Variants in CNTN5 observed in about 807,000 individuals in gnomAD.
CNTN5 encodes the protein contactin-5.
Under a neutral mutation model 129.1 loss-of-function variants are expected in CNTN5, and 77 were observed. The observed-to-expected ratio is 0.60, with a 90% CI of 0.50 to 0.72. The LOEUF (loss-of-function observed/expected upper bound fraction) is 0.72, where lower values mean the gene tolerates loss of function less well. Ranked by LOEUF, CNTN5 falls within the 30% of genes least tolerant of loss-of-function variation. CNTN5 has a pLI of 0.00. For synonymous variants in CNTN5, 509 were observed against 465.6 expected (o/e 1.09, Z -1.20); for missense variants, 1,478 against 1,328.8 (o/e 1.11, Z -1.75).
chr11:99,287,446 C>A (rs1004842200), intron 1 of CNTN5, among the ~76,000 whole-genome samples: 1 of 152,004 alleles, frequency 6.6e-6, no homozygotes, highest in Admixed American at 6.6e-5. Flanking sequence ...ATTCAAACAT[C>A]CTTCTCTCTC....
At chr11:99,875,104 T>C (rs1948598915) in intron 6 of CNTN5, among the ~76,000 whole-genome samples, 2 of 152,140 alleles carry the variant, frequency 1.3e-5, no homozygotes, top group Admixed American at 6.5e-5. Context: ...TAACCCAAAT[T>C]GAGGATTATA....
chr11:99,608,744 C>G (rs1056428958), intron 3 of CNTN5, among the ~76,000 whole-genome samples: 1 of 152,142 alleles, frequency 6.6e-6, no homozygotes, highest in Admixed American at 6.6e-5. Flanking sequence ...TAGCCCTAGT[C>G]AGCTATTACA....
chr11:99,752,645 G>A lies in CNTN5; in HGVS notation c.56-66899G>A, dbSNP rs560383805. 2.9e-4 allele frequency among the ~76,000 whole-genome samples: 44 copies of A among 152,210 alleles called. No homozygotes were observed. The South Asian group carries it at 8.5e-3, about 29-fold the overall frequency. On this transcript the variant is annotated intron_variant, in intron 3 of 24. Coordinates refer to ENST00000524871, the MANE Select transcript of CNTN5 (RefSeq NM_014361.4). ...TACTAAAAACGATGTTTTAAGGTTT[G>A]AGTTTATTATTTATAGTTTTCTACA...
At chr11:99,680,303 G>C (rs1392178194) in intron 3 of CNTN5, among the ~76,000 whole-genome samples, 1 of 152,148 alleles carries the variant, frequency 6.6e-6, no homozygotes, top group Non-Finnish European at 1.5e-5. Flanking sequence ...TGGCTTCAAA[G>C]CTTCAAGGCC....
intron 13 of CNTN5, among the ~76,000 whole-genome samples, chr11:100,137,738 G>A (rs1422320568): frequency 6.6e-6 from 1 of 152,046 alleles, no homozygotes. Context: ...TATCAGGCCG[G>A]TATGGAAAAT....
rs1033757955 is a variant in CNTN5, at chr11:99,764,006, T to C, written c.56-55538T>C. Among the ~76,000 whole-genome samples, 4 of 151,936 alleles carry C rather than the reference T, an allele frequency of 2.6e-5. No individual in the cohort carries two copies. The East Asian group carries it at 7.7e-4, about 29-fold the overall frequency. ...TCAAATAACCATGATATTTATATTATTTTTTTTCCAAAAGAATGATACAGT... is the reference window on the plus strand; with the variant it reads ...TCAAATAACCATGATATTTATATTACTTTTTTTCCAAAAGAATGATACAGT... On this transcript the variant is annotated intron_variant, in intron 3 of 24. Coordinates refer to ENST00000524871, the MANE Select transcript of CNTN5 (RefSeq NM_014361.4).
chr11:100,148,198 C>T (rs756763428), intron 13 of CNTN5, among the ~76,000 whole-genome samples: 1 of 152,100 alleles, frequency 6.6e-6, no homozygotes, highest in African/African-American at 2.4e-5. Context: ...ATCTCTGCAG[C>T]TTTGAGATAC....
At chr11:99,267,520 C>A (rs908861221) in intron 1 of CNTN5, among the ~76,000 whole-genome samples, 1 of 151,820 alleles carries the variant, frequency 6.6e-6, no homozygotes, top group Non-Finnish European at 1.5e-5. Context: ...TTTAATTAAA[C>A]CCCTTCGTTC....
At chr11:99,373,320 G>A (rs563701313) in intron 2 of CNTN5, among the ~76,000 whole-genome samples, 17 of 152,192 alleles carry the variant, frequency 1.1e-4, no homozygotes, top group African/African-American at 3.9e-4. Flanking sequence ...ATAATGAAGG[G>A]TCAATAGAGA....
chr11:99,237,949 G>A (rs1034397288), intron 1 of CNTN5, among the ~76,000 whole-genome samples: 2 of 152,006 alleles, frequency 1.3e-5, no homozygotes, highest in African/African-American at 4.8e-5. Context: ...TTTTTGTATT[G>A]TTCCTGGTGC....
chr11:99,732,179 G>A (rs574937539), intron 3 of CNTN5, among the ~76,000 whole-genome samples: 32 of 152,218 alleles, frequency 2.1e-4, no homozygotes, highest in African/African-American at 7.2e-4. Context: ...GTTGTTAGAC[G>A]CAGAGCCAAG....
chr11:99,920,198 A>T (rs1949902394), intron 7 of CNTN5, among the ~76,000 whole-genome samples: 1 of 152,010 alleles, frequency 6.6e-6, no homozygotes, highest in South Asian at 2.1e-4. Context: ...CACTATTTTC[A>T]CTTAGCTTAA....
At chr11:100,170,478 A>C (rs1008848939) in intron 13 of CNTN5, among the ~76,000 whole-genome samples, 4 of 152,012 alleles carry the variant, frequency 2.6e-5, no homozygotes, top group Non-Finnish European at 5.9e-5. Context: ...CACTCAACCA[A>C]CATTTTAACT....
intron 13 of CNTN5, among the ~76,000 whole-genome samples, chr11:100,081,967 A>G (rs1175441800): frequency 1.3e-5 from 2 of 152,172 alleles, no homozygotes; most frequent in African/African-American, 4.8e-5. Flanking sequence ...CAATTGGCAA[A>G]AATAGGCCTA....
chr11:99,888,112 A>T (rs549077176), intron 6 of CNTN5, among the ~76,000 whole-genome samples: 1 of 152,200 alleles, frequency 6.6e-6, no homozygotes, highest in African/African-American at 2.4e-5. Context: ...GGTAATACGT[A>T]TATAGCACTG....
chr11:99,622,207 A>G (rs1198624312), intron 3 of CNTN5, among the ~76,000 whole-genome samples: 7 of 152,194 alleles, frequency 4.6e-5, no homozygotes, highest in Non-Finnish European at 1.0e-4. Context: ...TATTTGCAAT[A>G]GCAGGTGACT....
At chr11:99,406,827 A>C (rs527582396) in intron 2 of CNTN5, among the ~76,000 whole-genome samples, 21 of 152,138 alleles carry the variant, frequency 1.4e-4, no homozygotes, top group Non-Finnish European at 2.8e-4. Flanking sequence ...TCATACTGTG[A>C]CCACTGCCAC....
intron 9 of CNTN5, among the ~76,000 whole-genome samples, chr11:100,039,996 G>T (rs1942276669): frequency 6.6e-6 from 1 of 152,164 alleles, no homozygotes; most frequent in African/African-American, 2.4e-5. Context: ...ATCCAGCTTT[G>T]TTCTGTTGCT....
At chr11:100,254,050 A>G (rs1950021530) in intron 16 of CNTN5, among the ~76,000 whole-genome samples, 1 of 152,148 alleles carries the variant, frequency 6.6e-6, no homozygotes, top group Non-Finnish European at 1.5e-5. Context: ...ATTTGATGAT[A>G]AACAATATCA....
Sources: allele counts gnomAD v4.1 joint callset (sites outside exome capture counted in the v4.1 genomes callset), GRCh38; gene constraint gnomAD v4.1.1; transcripts MANE v1.5; gene names NCBI Gene and HGNC (gene_info 2026-07-23, HGNC 2026-07-21).